ZNF804A: variants seen among roughly 807,000 people sequenced by gnomAD.
The protein encoded by ZNF804A is zinc finger protein 804A.
In ZNF804A, 2 loss-of-function variants were observed where a neutral mutation model predicts 16.5. The ratio of observed to expected loss-of-function variants is 0.12; its 90% CI spans 0.05 to 0.38. The LOEUF is 0.38. ZNF804A is among the 10% of genes least tolerant of loss of function. The pLI is 0.99. For synonymous variants in ZNF804A, 534 were observed against 489.6 expected, an observed-to-expected ratio of 1.09 and a Z score of -1.20; for missense variants, 1,473 against 1,390.7, an observed-to-expected ratio of 1.06 and a Z score of -0.94.
intron 2 of ZNF804A, among the ~76,000 whole-genome samples, chr2:184,879,794 A>T (rs1684780369): frequency 6.6e-6 from 1 of 152,062 alleles, no homozygotes; most frequent in East Asian, 1.9e-4. Context: ...AAGAATACAG[A>T]ACCATAGTGC....
intron 2 of ZNF804A, among the ~76,000 whole-genome samples, chr2:184,894,724 C>A (rs113180510): frequency 2.3e-4 from 35 of 152,150 alleles, no homozygotes; most frequent in Non-Finnish European, 4.3e-4. Context: ...CTTGCTCTGT[C>A]GCCCAGGCTG....
intron 1 of ZNF804A, among the ~76,000 whole-genome samples, chr2:184,797,585 G>C (rs1694653032): frequency 6.6e-6 from 1 of 152,016 alleles, no homozygotes; most frequent in African/African-American, 2.4e-5. Context: ...CTGCAGTTCT[G>C]CCTCTTTTAA....
rs74341771 is a variant in ZNF804A, at chr2:184,657,704, T to G, written c.111+58634T>G. ...TTAGGAAAATTCTTAATTATGATTC[T>G]TTGTCCAGTTTGGGCTGAAAGTTTA... is the stretch of plus-strand genomic sequence containing the variant. On this transcript the variant is annotated intron_variant, in intron 1 of 3. Coordinates refer to ENST00000302277, the MANE Select transcript of ZNF804A (RefSeq NM_194250.2). Among the ~76,000 whole-genome samples, 408 of 152,344 alleles carry G rather than the reference T, an allele frequency of 2.7e-3. 8 individuals carry two copies. The highest frequency in any genetic ancestry group is 9.3e-3 in the African/African-American group (388 of 41,570).
At chr2:184,791,046 G>A (rs1283147501) in intron 1 of ZNF804A, among the ~76,000 whole-genome samples, 1 of 152,044 alleles carries the variant, frequency 6.6e-6, no homozygotes, top group Non-Finnish European at 1.5e-5. Flanking sequence ...CTACCCTTTT[G>A]CTTTGAGTCT....
chr2:184,886,054 A>C (rs963663217), intron 2 of ZNF804A, among the ~76,000 whole-genome samples: 1 of 152,186 alleles, frequency 6.6e-6, no homozygotes, highest in African/African-American at 2.4e-5. Context: ...AGACAAGGCA[A>C]ATGCCTTCCA....
chr2:184,679,492 A>G (rs1432991752), intron 1 of ZNF804A, among the ~76,000 whole-genome samples: 2 of 152,292 alleles, frequency 1.3e-5, no homozygotes, highest in African/African-American at 4.8e-5. Context: ...ACTACTGCCC[A>G]GCCACTACTG....
In ZNF804A at chr2:184,781,840, G is replaced by A. The variant is rs566953523; in HGVS notation, c.112-84529G>A. ...AAAGAGTTTGCATTAGTTTTCTAGG[G>A]CTGTCATAACAAAATACCACCGACT... On this transcript the variant is annotated intron_variant, in intron 1 of 3. Transcript: ENST00000302277. Among the ~76,000 whole-genome samples the A allele has an allele frequency of 8.6e-5, 13 of 151,862 alleles. No homozygotes were observed. The South Asian group carries it at 2.7e-3, about 32-fold the overall frequency.
chr2:184,779,787 A>G (rs1042091986), intron 1 of ZNF804A, among the ~76,000 whole-genome samples: 1 of 151,698 alleles, frequency 6.6e-6, no homozygotes, highest in African/African-American at 2.4e-5. Flanking sequence ...AGACACCCTA[A>G]TTTTATCCTG....
intron 1 of ZNF804A, among the ~76,000 whole-genome samples, chr2:184,649,831 C>CAAA (rs57435962): frequency 9.2e-5 from 12 of 130,634 alleles, no homozygotes; most frequent in Admixed American, 7.0e-4. Context: ...ACAAATCAAC[C>CAAA]AAAAAAAAAA....
intron 1 of ZNF804A, among the ~76,000 whole-genome samples, chr2:184,722,774 T>G (rs1032550018): frequency 2.0e-5 from 3 of 152,006 alleles, no homozygotes; most frequent in African/African-American, 7.2e-5. Flanking sequence ...ATCGCTAATT[T>G]AACCTTGAAA....
chr2:184,635,144 A>G (rs951175657), intron 1 of ZNF804A, among the ~76,000 whole-genome samples: 5 of 152,160 alleles, frequency 3.3e-5, no homozygotes, highest in African/African-American at 7.2e-5. Flanking sequence ...TATGTAATTC[A>G]TACTCTTATT....
At chr2:184,639,154 A>G (rs948153046) in intron 1 of ZNF804A, among the ~76,000 whole-genome samples, 5 of 147,686 alleles carry the variant, frequency 3.4e-5, no homozygotes, top group Non-Finnish European at 7.4e-5. Context: ...GCTCACTGCA[A>G]CCTCTGCCTC....
chr2:184,896,564 T>C (rs1685072980), intron 2 of ZNF804A, among the ~76,000 whole-genome samples: 1 of 152,170 alleles, frequency 6.6e-6, no homozygotes, highest in Non-Finnish European at 1.5e-5. Flanking sequence ...GGTCTGTCAT[T>C]AGCATGTTTA....
At chr2:184,871,210 A>T (rs1045383662) in intron 2 of ZNF804A, among the ~76,000 whole-genome samples, 1 of 151,802 alleles carries the variant, frequency 6.6e-6, no homozygotes, top group Non-Finnish European at 1.5e-5. Flanking sequence ...TTGGAGGCTG[A>T]GGAGTAGGAA....
chr2:184,711,778 C>A (rs1693131945), intron 1 of ZNF804A, among the ~76,000 whole-genome samples: 1 of 151,626 alleles, frequency 6.6e-6, no homozygotes, highest in African/African-American at 2.4e-5. Flanking sequence ...TGTCAAAGAT[C>A]AGTTGACCAT....
intron 1 of ZNF804A, among the ~76,000 whole-genome samples, chr2:184,669,996 A>T (rs1326448842): frequency 6.6e-6 from 1 of 152,086 alleles, no homozygotes. Context: ...GTTTGTTCAT[A>T]TGAAAATTCA....
At chr2:184,668,544 G>A (rs563362219) in intron 1 of ZNF804A, among the ~76,000 whole-genome samples, 2 of 151,818 alleles carry the variant, frequency 1.3e-5, no homozygotes, top group Non-Finnish European at 2.9e-5. Context: ...AATAAAACAT[G>A]GTAGGAAATT....
chr2:184,819,313 A>G (rs759994695), intron 1 of ZNF804A, among the ~76,000 whole-genome samples: 8 of 152,096 alleles, frequency 5.3e-5, no homozygotes, highest in Non-Finnish European at 1.2e-4. Flanking sequence ...CTGCTTCTGG[A>G]TGACTCCTGG....
chr2:184,723,518 A>G (rs1469766062), intron 1 of ZNF804A, among the ~76,000 whole-genome samples: 1 of 151,812 alleles, frequency 6.6e-6, no homozygotes, highest in Non-Finnish European at 1.5e-5. Flanking sequence ...TAAATACTGA[A>G]GCTGATTTTC....
Sources: gnomAD v4.1 joint callset for allele counts (sites outside exome capture counted in the v4.1 genomes callset) on GRCh38, gnomAD v4.1.1 for gene constraint, MANE v1.5 for transcripts, NCBI Gene and HGNC (gene_info 2026-07-23, HGNC 2026-07-21) for gene names.